The following SPECC1 variants were observed in gnomAD, a reference collection of about 807,000 sequenced individuals.
SPECC1 encodes sperm antigen with calponin homology and coiled-coil domains 1, also known as cytospin-B.
A neutral mutation model predicts 104.1 loss-of-function variants in SPECC1; 62 were observed. The ratio of observed to expected loss-of-function variants is 0.60; its 90% CI spans 0.49 to 0.74. The LOEUF (loss-of-function observed/expected upper bound fraction) is 0.74. SPECC1 is among the 30% of genes least tolerant of loss of function. The probability of loss-of-function intolerance (pLI) is 0.00; values close to 1 mark genes in which losing one functional copy is unlikely to be tolerated. For synonymous variants in SPECC1, 513 were observed against 501.6 expected (o/e 1.02, Z -0.30); for missense variants, 1,306 against 1,310.5 (o/e 1.00, Z 0.05).
intron 12 of SPECC1, among the ~76,000 whole-genome samples, chr17:20,274,101 TC>T (rs2040497569): frequency 6.6e-6 from 1 of 152,240 alleles, no homozygotes; most frequent in Non-Finnish European, 1.5e-5. Context: ...ACCCTTTTGT[TC>T]CTTCTGGAGT....
chr17:20,298,948 A>AGAGAGAGAGAGAGAGAGTGG, intron 13 of SPECC1, among the ~76,000 whole-genome samples: 1 of 49,072 alleles, frequency 2.0e-5, no homozygotes, highest in Admixed American at 2.1e-4. Flanking sequence ...AGAGAGAGAG[A>AGAGAGAGAGAGAGAGAGTGG]GTGTGTGTGT....
chr17:20,096,891 G>A (rs1242840097), intron 2 of SPECC1, 93 bp downstream of exon 2: 7 of 1,476,400 alleles, frequency 4.7e-6, no homozygotes, highest in East Asian at 2.3e-5. Flanking sequence ...GTGGCCTCTC[G>A]GGGCAGGGAA....
At chr17:20,050,598 C>T (rs897806251) in intron 1 of SPECC1, among the ~76,000 whole-genome samples, 2 of 152,152 alleles carry the variant, frequency 1.3e-5, no homozygotes, top group Non-Finnish European at 2.9e-5. Flanking sequence ...ATTGTTAGGG[C>T]ATGTGTTTAG....
At chr17:20,273,171 T>C (rs1055810123) in intron 12 of SPECC1, among the ~76,000 whole-genome samples, 2 of 152,154 alleles carry the variant, frequency 1.3e-5, no homozygotes, top group Non-Finnish European at 2.9e-5. Flanking sequence ...GCAACCAGAA[T>C]TGTGGGACCT....
intron 3 of SPECC1, among the ~76,000 whole-genome samples, chr17:20,133,787 A>T (rs2049779886): frequency 6.6e-6 from 1 of 152,190 alleles, no homozygotes. Flanking sequence ...TAACAGACTG[A>T]ATCTTTTGTG....
intron 2 of SPECC1, among the ~76,000 whole-genome samples, chr17:20,107,118 T>C (rs1221551500): frequency 2.5e-5 from 3 of 119,548 alleles, no homozygotes; most frequent in African/African-American, 3.5e-5. Context: ...CACTCCAGCC[T>C]GGGCGACAGA....
chr17:20,296,912 T>C (rs765961658), intron 12 of SPECC1, 49 bp from the exon 13 acceptor site: 1 of 1,540,920 alleles, frequency 6.5e-7, no homozygotes, highest in Non-Finnish European at 9.0e-7. Context: ...TCTGTGATAC[T>C]GCACAGTTTG....
At chr17:20,267,860 G>A (rs1426734876) in intron 12 of SPECC1, among the ~76,000 whole-genome samples, 1 of 152,052 alleles carries the variant, frequency 6.6e-6, no homozygotes, top group African/African-American at 2.4e-5. Flanking sequence ...GCCAGGCCAG[G>A]GACGCTCAGT....
chr17:20,218,912 T>C (rs1425502072), intron 4 of SPECC1, among the ~76,000 whole-genome samples: 1 of 152,214 alleles, frequency 6.6e-6, no homozygotes, highest in Non-Finnish European at 1.5e-5. Flanking sequence ...AATTTATCTT[T>C]CTATGTCTGG....
intron 3 of SPECC1, among the ~76,000 whole-genome samples, chr17:20,147,989 C>T (rs2031626067): frequency 6.6e-6 from 1 of 152,044 alleles, no homozygotes; most frequent in Non-Finnish European, 1.5e-5. Context: ...CTGCAGTGAG[C>T]TATAATTGGG....
Position 20,315,049 on chromosome 17 carries a change from G to A in SPECC1, c.*984G>A, listed in dbSNP as rs1159571711. On this transcript the variant is annotated 3_prime_UTR_variant, in exon 15 of 15. Transcript: ENST00000395527. ...TGTCCTCCCATTCGTTTACCCTCCC[G>A]TTCACATCCACACAGGCTTGTACCC... 3.4e-5 allele frequency: 8 copies of A among 232,568 alleles called. No individual in the cohort carries two copies. Among genetic ancestry groups the A allele is most frequent in the Admixed American group, 1.7e-4 (3 of 17,758 alleles). The allele number at this position is 232,568 out of a possible 1,614,324, so 14.4% of individuals were successfully genotyped here.
intron 12 of SPECC1, among the ~76,000 whole-genome samples, chr17:20,280,823 C>T (rs1212008283): frequency 6.6e-6 from 1 of 152,166 alleles, no homozygotes; most frequent in African/African-American, 2.4e-5. Context: ...TTGTGGTTTG[C>T]AATCCCTACT....
chr17:20,091,285 G>C (rs535788481), intron 1 of SPECC1, among the ~76,000 whole-genome samples: 1 of 152,092 alleles, frequency 6.6e-6, no homozygotes, highest in Non-Finnish European at 1.5e-5. Context: ...CTGAAGTCTG[G>C]GATTCCGTCA....
intron 1 of SPECC1, among the ~76,000 whole-genome samples, chr17:20,091,862 C>A (rs1031730601): frequency 6.6e-6 from 1 of 152,146 alleles, no homozygotes; most frequent in Non-Finnish European, 1.5e-5. Flanking sequence ...AATGGTTTCC[C>A]AGTTGCCTTT....
At chr17:20,176,935 C>A (rs1235575121) in intron 3 of SPECC1, among the ~76,000 whole-genome samples, 2 of 152,148 alleles carry the variant, frequency 1.3e-5, no homozygotes, top group African/African-American at 4.8e-5. Flanking sequence ...ATTCAGTGTG[C>A]TGCAGGAAGG....
At chr17:20,044,653 A>G (rs2045467722) in intron 1 of SPECC1, among the ~76,000 whole-genome samples, 1 of 152,204 alleles carries the variant, frequency 6.6e-6, no homozygotes, top group Non-Finnish European at 1.5e-5. Context: ...GCCTAGTGTC[A>G]GGTCCTAGGG....
intron 6 of SPECC1, 62 bp from the exon 7 acceptor site, chr17:20,232,138 T>C (rs1417155256): frequency 3.1e-6 from 5 of 1,589,248 alleles, no homozygotes; most frequent in Non-Finnish European, 3.4e-6. Flanking sequence ...GACTCTGGGG[T>C]CCCTGCCCAG....
chr17:20,104,275 A>T (rs2048080996), intron 2 of SPECC1, among the ~76,000 whole-genome samples: 1 of 152,196 alleles, frequency 6.6e-6, no homozygotes. Context: ...TTCCTTCTTC[A>T]GCTAATCAGC....
chr17:20,273,839 A>G (rs1463782028), intron 12 of SPECC1, among the ~76,000 whole-genome samples: 6 of 152,016 alleles, frequency 3.9e-5, no homozygotes, highest in African/African-American at 1.2e-4. Flanking sequence ...TCAGCTGCCA[A>G]TGTTTTGTCT....
Sources: allele counts gnomAD v4.1 joint callset (sites outside exome capture counted in the v4.1 genomes callset), GRCh38; gene constraint gnomAD v4.1.1; transcripts MANE v1.5; gene names NCBI Gene and HGNC (gene_info 2026-07-23, HGNC 2026-07-21).